GARS1: variants seen among roughly 807,000 people sequenced by gnomAD.
The protein encoded by GARS1 is glycyl-tRNA synthetase 1, also known as glycine--tRNA ligase.
GARS1 carries 46 observed loss-of-function variants against 86.4 expected under a neutral mutation model. The ratio of observed to expected loss-of-function variants is 0.53; its 90% CI spans 0.42 to 0.68. GARS1 has a LOEUF of 0.68. GARS1 is among the 30% of genes least tolerant of loss of function. The pLI is 0.00. For missense variants in GARS1, 797 were observed against 915.6 expected (o/e 0.87, Z 1.67); for synonymous variants, 342 against 329.8 (o/e 1.04, Z -0.40).
At chr7:30,604,307 A>G (rs1415215637) in intron 6 of GARS1, among the ~76,000 whole-genome samples, 1 of 152,198 alleles carries the variant, frequency 6.6e-6, no homozygotes. Context: ...TAGGCAAAGT[A>G]CATTTCTCCA....
chr7:30,597,628 G>C (rs1051313188), intron 1 of GARS1, among the ~76,000 whole-genome samples: 1 of 152,144 alleles, frequency 6.6e-6, no homozygotes, highest in East Asian at 1.9e-4. Flanking sequence ...GTGAGACTTA[G>C]GGGAAATGAT....
At chr7:30,608,432 C>T (rs1791524959) in intron 6 of GARS1, among the ~76,000 whole-genome samples, 1 of 152,110 alleles carries the variant, frequency 6.6e-6, no homozygotes, top group African/African-American at 2.4e-5. Context: ...ATTTATGGTA[C>T]CCGTGTCTTG....
intron 14 of GARS1, 68 bp from the exon 15 acceptor site, chr7:30,631,380 T>A: frequency 8.0e-7 from 1 of 1,245,582 alleles, no homozygotes; most frequent in Non-Finnish European, 1.2e-6. Context: ...CTCTTTTGGT[T>A]TGGGATATTA....
chr7:30,603,703 C>G, intron 6 of GARS1, 131 bp downstream of exon 6: 2 of 724,424 alleles, frequency 2.8e-6, no homozygotes, highest in Admixed American at 2.0e-5. Context: ...TAATTCTGTC[C>G]TGTATAGCGT....
chr7:30,600,542 G>A (rs1338797831), intron 3 of GARS1, among the ~76,000 whole-genome samples: 2 of 152,236 alleles, frequency 1.3e-5, no homozygotes, highest in East Asian at 3.8e-4. Context: ...CTGATGAAAT[G>A]TAAAACTATA....
chr7:30,630,919 C>G (rs140722079), intron 14 of GARS1, among the ~76,000 whole-genome samples: 2 of 152,074 alleles, frequency 1.3e-5, no homozygotes, highest in African/African-American at 4.8e-5. Flanking sequence ...TTGTTTTGTA[C>G]TATTTCTTTT....
At chr7:30,633,696 A>T (rs1257881090) in intron 16 of GARS1, 39 bp from the exon 17 acceptor site, 1 of 1,610,258 alleles carries the variant, frequency 6.2e-7, no homozygotes, top group Non-Finnish European at 8.5e-7. Context: ...AAATCTGAAC[A>T]AGTTGGTTGA....
upstream of GARS1, chr7:30,594,868 G>A (rs1744352165): frequency 1.4e-6 from 2 of 1,437,960 alleles, no homozygotes; most frequent in Non-Finnish European, 1.9e-6. Context: ...CGAGCCGGGC[G>A]GCGCGCGCCG....
In GARS1 at chr7:30,615,964, A is replaced by G. The variant is rs192443850; in HGVS notation, c.1100A>G (p.Asn367Ser). 400 of 1,614,218 alleles carry G rather than the reference A, an allele frequency of 2.5e-4. No homozygotes were observed. Among genetic ancestry groups the G allele is most frequent in the Non-Finnish European group, 3.2e-4 (379 of 1,180,030 alleles). ...GAGAAAGACCACCCCAAGTTCCAGA[A>G]TGTGGCAGACCTTCACCTTTATTTG... is the stretch of plus-strand genomic sequence containing the variant. ...PSEKDHPKFQ[N>S]VADLHLYLYS... The change falls in exon 9 of 17, where the codon AAT becomes AGT. Residue 367 changes from asparagine to serine, a missense_variant. Physicochemically the swap from Asn to Ser is conservative, Grantham distance 46. Around this residue, in one of 2 missense-constraint regions of GARS1, gnomAD observed 598 missense variants for 738.7 expected, o/e 0.81. Transcript: ENST00000389266.
chr7:30,596,512 C>A (rs1791250244), intron 1 of GARS1, among the ~76,000 whole-genome samples: 1 of 151,792 alleles, frequency 6.6e-6, no homozygotes, highest in African/African-American at 2.4e-5. Context: ...CACACCCAAA[C>A]CCCTCCCTCT....
Position 30,609,653 on chromosome 7 carries a change from T to C in GARS1, c.804T>C (p.Thr268=), listed in dbSNP as rs774076531. The change falls in exon 7 of 17, where the codon ACT becomes ACC. Residue 268 remains threonine (T), a synonymous_variant. Coordinates refer to ENST00000389266, the MANE Select transcript of GARS1 (RefSeq NM_002047.4). The stretch of plus-strand genomic sequence containing the variant: ...ACTATAATGTAAAATCTCCCATTAC[T>C]GGAAATGATCTATCCCCTCCAGTGT... ...FVNYNVKSPI[T]GNDLSPPVSF... 2.5e-6 allele frequency: 4 copies of C among 1,613,224 alleles called. No homozygotes were observed. Among genetic ancestry groups the C allele is most frequent in the Non-Finnish European group, 3.4e-6 (4 of 1,179,330 alleles).
rs118002895 is a variant in GARS1 at position 30,628,515 on chromosome 7, T to C, written c.1700-45T>C. The stretch of plus-strand genomic sequence containing the variant: ...TTTAGAGAGAATCTGAAATGCATTA[T>C]GTGGTATTTGAGAGAATGTTATTGA... On this transcript the variant is annotated intron_variant, in intron 13 of 16. Coordinates refer to ENST00000389266, the MANE Select transcript of GARS1 (RefSeq NM_002047.4). The C allele has an allele frequency of 0.028, 37,401 of 1,325,674 alleles. 664 individuals carry two copies. The highest frequency in any genetic ancestry group is 0.032 in the Non-Finnish European group (29,263 of 919,486). The allele number at this position is 1,325,674 out of a possible 1,614,324, so 82.1% of individuals were successfully genotyped here.
chr7:30,606,305 CTTTTTTT>C (rs35302357), intron 6 of GARS1, among the ~76,000 whole-genome samples: 1 of 127,552 alleles, frequency 7.8e-6, no homozygotes, highest in Non-Finnish European at 1.6e-5. Flanking sequence ...CATTGTTATT[CTTTTTTT>C]TTTTTTTTTT....
intron 8 of GARS1, among the ~76,000 whole-genome samples, chr7:30,614,651 G>A (rs578082567): frequency 3.9e-5 from 6 of 152,112 alleles, no homozygotes; most frequent in East Asian, 1.9e-4. Flanking sequence ...AGAGGCGGGC[G>A]GATCATGAGG....
chr7:30,624,621 A>C (rs1246960136), intron 12 of GARS1, among the ~76,000 whole-genome samples: 2 of 152,196 alleles, frequency 1.3e-5, no homozygotes, highest in African/African-American at 2.4e-5. Context: ...TGGAAAAAAA[A>C]CACACACAAA....
rs559337984 is a variant in GARS1 at position 30,622,266 on chromosome 7, C to CT, written c.1468-50dup. The CT allele has an allele frequency of 7.3e-5, 118 of 1,609,054 alleles. 1 individual carries two copies. The South Asian group carries it at 1.2e-3, about 17-fold the overall frequency. The stretch of plus-strand genomic sequence containing the variant: ...GATTGATTGTTCTCAGGCTCATTTT[C>CT]TGAAATACTGAGGCAGTGCTGTAGT... On this transcript the variant is annotated intron_variant, in intron 11 of 16. Coordinates refer to ENST00000389266, the MANE Select transcript of GARS1 (RefSeq NM_002047.4).
intron 1 of GARS1, 62 bp downstream of exon 1, chr7:30,595,205 C>T: frequency 7.3e-7 from 1 of 1,375,604 alleles, no homozygotes. Flanking sequence ...TTCTTCTGGT[C>T]ATCCTTCCCT....
chr7:30,626,359 T>A (rs1444880849), intron 13 of GARS1, 40 bp downstream of exon 13: 2 of 1,232,764 alleles, frequency 1.6e-6, no homozygotes, highest in African/African-American at 3.0e-5. Context: ...TCACTGCTCC[T>A]TAAAGCTTTT....
At chr7:30,603,705 G>A (rs1192395413) in intron 6 of GARS1, 133 bp downstream of exon 6, 3 of 697,056 alleles carry the variant, frequency 4.3e-6, no homozygotes, top group Admixed American at 4.6e-5. Context: ...ATTCTGTCCT[G>A]TATAGCGTCT....
Sources: gnomAD v4.1 joint callset for allele counts (sites outside exome capture counted in the v4.1 genomes callset) on GRCh38, gnomAD v4.1.1 for gene constraint, gnomAD v4.1.1 regional missense constraint, MANE v1.5 for transcripts, NCBI Gene and HGNC (gene_info 2026-07-23, HGNC 2026-07-21) for gene names.